FOXK2: variants seen among roughly 807,000 people sequenced by gnomAD.
FOXK2 encodes the protein forkhead box protein K2.
FOXK2 carries 24 observed loss-of-function variants against 53.3 expected under a neutral mutation model. The observed-to-expected ratio is 0.45, with a 90% CI of 0.33 to 0.63. FOXK2 has a LOEUF of 0.63. Among genes scored for constraint, FOXK2 ranks in the 30% least tolerant of loss-of-function variants. FOXK2 has a pLI of 0.03. For missense variants in FOXK2, 952 were observed against 910.5 expected, an observed-to-expected ratio of 1.05 and a Z score of -0.59; for synonymous variants, 505 against 407.1, an observed-to-expected ratio of 1.24 and a Z score of -2.89.
rs143594098 is a variant in FOXK2 at position 82,584,130 on chromosome 17, C to T, written c.1221C>T (p.Gly407=). The T allele has an allele frequency of 1.9e-4, 301 of 1,610,652 alleles. 1 individual carries two copies. In the African/African-American group the frequency reaches 2.3e-3, roughly 12 times the overall value. The change falls in exon 6 of 9, where the codon GGC becomes GGT. Residue 407 remains glycine (G), a synonymous_variant. Coordinates refer to ENST00000335255, the MANE Select transcript of FOXK2 (RefSeq NM_004514.4). Reference sequence around the variant, plus strand: ...CGGCCCCCCTGGAGCCTGAGCCTGGCGCTGCACAGCCCAAACTCGCTGTCA... The same window carrying T: ...CGGCCCCCCTGGAGCCTGAGCCTGGTGCTGCACAGCCCAAACTCGCTGTCA... ...GSPAPLEPEP[G]AAQPKLAVIQ... is the part of the protein sequence containing the mutation.
chr17:82,551,595 C>T (rs1212653299), intron 1 of FOXK2, among the ~76,000 whole-genome samples: 1 of 151,872 alleles, frequency 6.6e-6, no homozygotes, highest in Non-Finnish European at 1.5e-5. Flanking sequence ...GCAGGAGACT[C>T]ACTTGAACTT....
chr17:82,588,089 C>T (rs2045212078), intron 8 of FOXK2, among the ~76,000 whole-genome samples: 1 of 152,174 alleles, frequency 6.6e-6, no homozygotes, highest in Non-Finnish European at 1.5e-5. Context: ...CCTGCAGGTA[C>T]CTCCTACTCT....
chr17:82,581,196 T>C (rs952408779), intron 4 of FOXK2, among the ~76,000 whole-genome samples: 9 of 152,236 alleles, frequency 5.9e-5, no homozygotes, highest in African/African-American at 1.7e-4. Flanking sequence ...AATCTACACA[T>C]TAATGTAAAT....
chr17:82,573,363 G>A (rs1047816987), intron 4 of FOXK2, among the ~76,000 whole-genome samples: 4 of 152,024 alleles, frequency 2.6e-5, no homozygotes, highest in African/African-American at 9.7e-5. Flanking sequence ...CTGCCTTCCT[G>A]TCTACAGCAA....
intron 8 of FOXK2, among the ~76,000 whole-genome samples, chr17:82,596,857 C>G (rs1447529527): frequency 2.0e-5 from 3 of 152,206 alleles, no homozygotes; most frequent in African/African-American, 7.2e-5. Flanking sequence ...TCACCTACTT[C>G]AGGTTCCATT....
intron 1 of FOXK2, among the ~76,000 whole-genome samples, chr17:82,547,899 G>A (rs971962846): frequency 6.6e-5 from 10 of 152,142 alleles, no homozygotes; most frequent in East Asian, 3.8e-4. Flanking sequence ...TGTTTGGCTC[G>A]CTCTTATTCA....
Position 82,586,997 on chromosome 17 carries a change from T to G in FOXK2, c.1577-66T>G, listed in dbSNP as rs1051677417. Reference sequence around the variant, plus strand: ...TGATAGCTATCTGGTTATTATGTTTTAAACTGGCAAGATTTTTATTTGCTT... The same window carrying G: ...TGATAGCTATCTGGTTATTATGTTTGAAACTGGCAAGATTTTTATTTGCTT... On this transcript the variant is annotated intron_variant, in intron 7 of 8. Coordinates refer to ENST00000335255, the MANE Select transcript of FOXK2 (RefSeq NM_004514.4). 7 of 1,510,772 alleles carry G rather than the reference T, an allele frequency of 4.6e-6. No individual in the cohort carries two copies. The East Asian group carries it at 1.6e-4, about 34-fold the overall frequency. 93.6% of individuals were successfully genotyped at this position (1,510,772 alleles called of 1,614,324 possible).
chr17:82,586,949 T>G lies in FOXK2; in HGVS notation c.1577-114T>G, dbSNP rs1002667477. 22 of 963,294 alleles carry G rather than the reference T, an allele frequency of 2.3e-5. No homozygotes were observed. In the Admixed American group the frequency reaches 2.9e-4, roughly 13 times the overall value. The allele number at this position is 963,294 out of a possible 1,614,324, so 59.7% of individuals were successfully genotyped here. On this transcript the variant is annotated intron_variant, in intron 7 of 8. Transcript: ENST00000335255. ...ATCTTTTTCTAATTTGCTGTTTGTT[T>G]TAGAGACATTTTCTAGCAGGTGTGA...
At chr17:82,575,790 T>C (rs952024181) in intron 4 of FOXK2, among the ~76,000 whole-genome samples, 12 of 152,162 alleles carry the variant, frequency 7.9e-5, no homozygotes, top group African/African-American at 1.2e-4. Flanking sequence ...AGGAACCCCA[T>C]TGAGGCTGAA....
In FOXK2 at chr17:82,603,315, CAGA is replaced by C. The variant is rs760361407; in HGVS notation, c.*1819_*1821del. 6.6e-6 allele frequency: 1 copy of C among 152,252 alleles called. No homozygotes were observed. The highest frequency in any genetic ancestry group is 1.5e-5 in the Non-Finnish European group (1 of 68,058). The allele number at this position is 152,252 out of a possible 1,614,324, so 9.4% of individuals were successfully genotyped here. A position where few individuals can be genotyped will look rare whatever the true frequency, so the allele number is the denominator to read the frequency against. On this transcript the variant is annotated 3_prime_UTR_variant, in exon 9 of 9. Transcript: ENST00000335255. ...GAATGTATATTTTTGTCTTCTTACT[CAGA>C]AGGTTTGCAGTTTGTAAAATAATCA... is the stretch of plus-strand genomic sequence containing the variant.
intron 1 of FOXK2, among the ~76,000 whole-genome samples, chr17:82,556,891 C>T (rs1159988686): frequency 1.3e-5 from 2 of 151,684 alleles, no homozygotes; most frequent in Non-Finnish European, 1.5e-5. Context: ...TTAGTAGAGT[C>T]AGGGTCTCAC....
intron 3 of FOXK2, among the ~76,000 whole-genome samples, chr17:82,571,268 C>T (rs1259655141): frequency 6.6e-6 from 1 of 151,978 alleles, no homozygotes; most frequent in Non-Finnish European, 1.5e-5. Flanking sequence ...CATTTGTTTC[C>T]TCCATGTTTT....
chr17:82,571,946 C>T, intron 4 of FOXK2, 76 bp downstream of exon 4: 1 of 1,408,130 alleles, frequency 7.1e-7, no homozygotes, highest in Non-Finnish European at 9.4e-7. Context: ...CTGTCTGGAA[C>T]ACAGGCACAG....
chr17:82,552,260 C>T (rs780232421), intron 1 of FOXK2, among the ~76,000 whole-genome samples: 5 of 152,188 alleles, frequency 3.3e-5, no homozygotes, highest in South Asian at 2.1e-4. Context: ...AGAGAACTTC[C>T]GTTTTCCCAG....
intron 4 of FOXK2, among the ~76,000 whole-genome samples, chr17:82,573,564 A>T (rs9896164): frequency 9.3e-3 from 401 of 43,180 alleles, no homozygotes; most frequent in Admixed American, 0.013. Flanking sequence ...TCTCTCTCTC[A>T]CACACACACA....
chr17:82,584,198 C>G lies in FOXK2; in HGVS notation c.1279+10C>G, dbSNP rs372920071. 8 of 1,577,920 alleles carry G rather than the reference C, an allele frequency of 5.1e-6. No homozygotes were observed. In the Admixed American group the frequency reaches 8.7e-5, roughly 17 times the overall value. On this transcript the variant is annotated intron_variant, in intron 6 of 8. Transcript: ENST00000335255. ...GCCCAGAGCGCCCCAGGTGAGACAG[C>G]GGGAGAGGAAGCGAGGGCCCCAACA...
At chr17:82,544,421 T>C (rs2144078972) in intron 1 of FOXK2, among the ~76,000 whole-genome samples, 1 of 152,258 alleles carries the variant, frequency 6.6e-6, no homozygotes, top group East Asian at 1.9e-4. Context: ...ACTGTGCTGG[T>C]ACAGTACACA....
At chr17:82,577,723 CT>C (rs2045006354) in intron 4 of FOXK2, among the ~76,000 whole-genome samples, 1 of 152,116 alleles carries the variant, frequency 6.6e-6, no homozygotes, top group African/African-American at 2.4e-5. Context: ...GAGCTGGTTC[CT>C]TTTATTTATT....
At chr17:82,600,567 A>T (rs1260379847) in intron 8 of FOXK2, 3 of 152,308 alleles carry the variant, frequency 2.0e-5, no homozygotes, top group African/African-American at 7.2e-5. Context: ...AGAAACATCC[A>T]GATTAATGGT....
Sources: allele counts gnomAD v4.1 joint callset (sites outside exome capture counted in the v4.1 genomes callset), GRCh38; gene constraint gnomAD v4.1.1; transcripts MANE v1.5; gene names NCBI Gene and HGNC (gene_info 2026-07-23, HGNC 2026-07-21).